MYRIP: variants seen among roughly 807,000 people sequenced by gnomAD.
MYRIP encodes the protein rab effector MyRIP.
Under a neutral mutation model 98.0 loss-of-function variants are expected in MYRIP, and 49 were observed. The observed-to-expected ratio is 0.50, with a 90% CI of 0.40 to 0.63. MYRIP has a LOEUF of 0.63. Among genes scored for constraint, MYRIP ranks in the 30% least tolerant of loss-of-function variants. MYRIP has a pLI of 0.00. For synonymous variants in MYRIP, 404 were observed against 409.5 expected (o/e 0.99, Z 0.16); for missense variants, 1,004 against 1,058.2 (o/e 0.95, Z 0.71).
chr3:40,207,366 C>T (rs901635638), intron 10 of MYRIP, among the ~76,000 whole-genome samples: 1 of 151,650 alleles, frequency 6.6e-6, no homozygotes, highest in Non-Finnish European at 1.5e-5. Context: ...CCTGCACATC[C>T]CAGGCAAAGG....
chr3:40,241,604 GT>G (rs1953016823), intron 12 of MYRIP, among the ~76,000 whole-genome samples: 2 of 152,120 alleles, frequency 1.3e-5, no homozygotes, highest in Admixed American at 6.6e-5. Flanking sequence ...AAAGAAATCT[GT>G]TTAACACTCT....
chr3:40,247,096 A>G (rs73071710), intron 13 of MYRIP, among the ~76,000 whole-genome samples: 48,636 of 152,108 alleles, frequency 0.32, 8,314 homozygotes, highest in East Asian at 0.6. Flanking sequence ...ATGATTTTGC[A>G]GGAAGTAATA....
chr3:40,121,718 C>A (rs572227767), intron 3 of MYRIP, among the ~76,000 whole-genome samples: 1 of 152,038 alleles, frequency 6.6e-6, no homozygotes, highest in African/African-American at 2.4e-5. Flanking sequence ...ACTCCCCTGG[C>A]GTACCAAAAA....
At chr3:39,846,231 G>T (rs1416678874) in intron 1 of MYRIP, among the ~76,000 whole-genome samples, 1 of 152,068 alleles carries the variant, frequency 6.6e-6, no homozygotes, top group African/African-American at 2.4e-5. Context: ...ATCAAAGCTT[G>T]CAGACACCAT....
At chr3:40,010,085 A>G (rs1410317654) in intron 2 of MYRIP, among the ~76,000 whole-genome samples, 1 of 152,234 alleles carries the variant, frequency 6.6e-6, no homozygotes, top group Non-Finnish European at 1.5e-5. Flanking sequence ...CAGCCATTCA[A>G]GGGCAAGCCA....
In MYRIP at chr3:40,170,055, G is replaced by A. The variant is rs1442217435; in HGVS notation, c.835G>A (p.Ala279Thr). 1.2e-6 allele frequency: 2 copies of A among 1,614,236 alleles called. No homozygotes were observed. Among genetic ancestry groups the A allele is most frequent in the Non-Finnish European group, 1.7e-6 (2 of 1,180,052 alleles). The change falls in exon 8 of 17, where the codon GCA becomes ACA. Residue 279 changes from alanine to threonine, a missense_variant. Ala to Thr is a moderately conservative substitution (Grantham distance 58, BLOSUM62 0). Around this residue, in one of 3 missense-constraint regions of MYRIP, gnomAD observed 880 missense variants for 907.7 expected, o/e 0.97. Transcript: ENST00000302541. ...STKVADEGTS[A>T]SPGGYRAPAA... ...AAAGGTGGCAGATGAGGGGACCTCAGCATCCCCTGGAGGCTACCGTGCTCC... is the reference window on the plus strand; with the variant it reads ...AAAGGTGGCAGATGAGGGGACCTCAACATCCCCTGGAGGCTACCGTGCTCC...
At chr3:40,160,103 G>GT (rs1950348725) in intron 4 of MYRIP, among the ~76,000 whole-genome samples, 3 of 152,188 alleles carry the variant, frequency 2.0e-5, no homozygotes, top group Non-Finnish European at 4.4e-5. Flanking sequence ...TTTCTGCTCT[G>GT]TTTTTCCCCA....
intron 10 of MYRIP, among the ~76,000 whole-genome samples, chr3:40,198,183 C>G (rs1216528496): frequency 6.6e-6 from 1 of 151,792 alleles, no homozygotes; most frequent in Non-Finnish European, 1.5e-5. Flanking sequence ...AGACTAAATA[C>G]ATTTTCAAAG....
At chr3:40,206,365 G>A (rs1951792530) in intron 10 of MYRIP, among the ~76,000 whole-genome samples, 1 of 152,046 alleles carries the variant, frequency 6.6e-6, no homozygotes, top group South Asian at 2.1e-4. Flanking sequence ...TTTAATAATG[G>A]TGCTTCCAGT....
chr3:39,904,123 T>C (rs1943818093), intron 2 of MYRIP, among the ~76,000 whole-genome samples: 2 of 152,230 alleles, frequency 1.3e-5, no homozygotes, highest in African/African-American at 2.4e-5. Flanking sequence ...ACTTGGAGCT[T>C]AGTTTTGTTG....
At chr3:40,188,153 T>C (rs1002301529) in intron 9 of MYRIP, among the ~76,000 whole-genome samples, 1 of 152,198 alleles carries the variant, frequency 6.6e-6, no homozygotes, top group African/African-American at 2.4e-5. Context: ...TGAAAACATA[T>C]GTTCCACCAG....
chr3:39,830,575 A>G (rs1410669904), intron 1 of MYRIP, among the ~76,000 whole-genome samples: 9 of 152,132 alleles, frequency 5.9e-5, no homozygotes, highest in African/African-American at 9.7e-5. Context: ...CTCACCTGCC[A>G]TATCTGCTGC....
At chr3:40,027,717 C>CT (rs1033780456) in intron 2 of MYRIP, among the ~76,000 whole-genome samples, 5 of 151,892 alleles carry the variant, frequency 3.3e-5, no homozygotes, top group East Asian at 1.9e-4. Flanking sequence ...GGGGCTATGT[C>CT]TTTTTTTAAA....
At chr3:40,223,310 G>T (rs551123771) in intron 11 of MYRIP, among the ~76,000 whole-genome samples, 1 of 152,250 alleles carries the variant, frequency 6.6e-6, no homozygotes, top group Admixed American at 6.5e-5. Context: ...GTGTGAAGAG[G>T]ATCCATTTAT....
intron 11 of MYRIP, among the ~76,000 whole-genome samples, chr3:40,225,639 A>G (rs749460324): frequency 4.6e-5 from 7 of 152,290 alleles, no homozygotes; most frequent in Non-Finnish European, 7.4e-5. Context: ...CTTGTCTCTA[A>G]AGATGGGATT....
At chr3:39,982,381 T>C (rs1339778257) in intron 2 of MYRIP, among the ~76,000 whole-genome samples, 1 of 152,202 alleles carries the variant, frequency 6.6e-6, no homozygotes, top group African/African-American at 2.4e-5. Context: ...ATAGGTTTGA[T>C]CTTCTGATGT....
At position 40,210,102 on chromosome 3, in the gene MYRIP, T is replaced by C. The variant is rs955644304; in HGVS notation, c.1905+9T>C. ...AGGAAGAGCTGAAGAAGGTAAGGGC[T>C]GTGAAGCCACCTGCAGACAGCTCAA... On this transcript the variant is annotated intron_variant, in intron 11 of 16. Coordinates refer to ENST00000302541, the MANE Select transcript of MYRIP (RefSeq NM_015460.4). 1.2e-6 allele frequency: 2 copies of C among 1,612,766 alleles called. No individual in the cohort carries two copies. The highest frequency in any genetic ancestry group is 3.3e-5 in the Admixed American group (2 of 59,838).
chr3:40,045,396 G>T (rs961690411), intron 3 of MYRIP, among the ~76,000 whole-genome samples: 1 of 152,152 alleles, frequency 6.6e-6, no homozygotes, highest in African/African-American at 2.4e-5. Flanking sequence ...GCCTGACTTG[G>T]TCAGAGCAAG....
chr3:40,153,250 A>G (rs75831532), intron 4 of MYRIP, among the ~76,000 whole-genome samples: 9,160 of 152,244 alleles, frequency 0.06, 591 homozygotes, highest in African/African-American at 0.15. Flanking sequence ...ACAGGAGACA[A>G]TTTATGAGAT....
Sources: gnomAD v4.1 joint callset for allele counts (sites outside exome capture counted in the v4.1 genomes callset) on GRCh38, gnomAD v4.1.1 for gene constraint, gnomAD v4.1.1 regional missense constraint, MANE v1.5 for transcripts, NCBI Gene and HGNC (gene_info 2026-07-23, HGNC 2026-07-21) for gene names.